The following SUGCT variants were observed in gnomAD, a reference collection of about 807,000 sequenced individuals.
SUGCT encodes the protein succinyl-CoA:glutarate-CoA transferase, also known as succinyl-CoA:glutarate CoA-transferase.
In SUGCT, 41 loss-of-function variants were observed where a neutral mutation model predicts 55.0. The ratio of observed to expected loss-of-function variants is 0.74; its 90% CI spans 0.58 to 0.97. The LOEUF (loss-of-function observed/expected upper bound fraction) is 0.97, where lower values mean the gene tolerates loss of function less well. Ranked by LOEUF, SUGCT falls within the 50% of genes least tolerant of loss-of-function variation. SUGCT has a pLI of 0.00. For missense variants in SUGCT, 568 were observed against 547.8 expected (o/e 1.04, Z -0.37); for synonymous variants, 187 against 200.4 (o/e 0.93, Z 0.56).
At chr7:40,824,693 G>A (rs201178642) in intron 13 of SUGCT, among the ~76,000 whole-genome samples, 1 of 152,178 alleles carries the variant, frequency 6.6e-6, no homozygotes, top group East Asian at 1.9e-4. Flanking sequence ...TAGCCTAGTG[G>A]CTGGGAAGTC....
the SUGCT span, among the ~76,000 whole-genome samples, chr7:41,036,344 A>G: frequency 1.3e-5 from 2 of 152,206 alleles, no homozygotes; most frequent in African/African-American, 4.8e-5. Context: ...ATGTTTCTAC[A>G]TCAGAAAAGC....
chr7:40,153,330 C>T, intron 1 of SUGCT: 2 of 363,126 alleles, frequency 5.5e-6, no homozygotes, highest in South Asian at 2.6e-5. Context: ...GAGAGAAATA[C>T]TGCTTTCCCT....
rs150627532 is a variant in SUGCT, at chr7:40,152,667, G to A, written c.100+17547G>A. The A allele has an allele frequency of 8.6e-4, 156 of 180,610 alleles. 1 individual carries two copies. Among genetic ancestry groups the A allele is most frequent in the African/African-American group, 3.5e-3 (147 of 42,050 alleles). The allele number at this position is 180,610 out of a possible 1,614,324, so 11.2% of individuals were successfully genotyped here. A position where few individuals can be genotyped will look rare whatever the true frequency, so the allele number is the denominator to read the frequency against. ...TTGAAGACTTGGCTGGAAAACTCCCGTGGTCAAACACTTTAATTTTATGGA... is the reference window on the plus strand; with the variant it reads ...TTGAAGACTTGGCTGGAAAACTCCCATGGTCAAACACTTTAATTTTATGGA... On this transcript the variant is annotated intron_variant, in intron 1 of 13. Coordinates refer to ENST00000335693, the MANE Select transcript of SUGCT (RefSeq NM_001193313.2).
intron 3 of SUGCT, among the ~76,000 whole-genome samples, chr7:40,184,566 C>G (rs1246972510): frequency 6.6e-6 from 1 of 151,934 alleles, no homozygotes; most frequent in Non-Finnish European, 1.5e-5. Context: ...CTCCTGGGCT[C>G]AAACGATCCT....
intron 9 of SUGCT, among the ~76,000 whole-genome samples, chr7:40,390,534 A>G (rs1439221928): frequency 6.6e-6 from 1 of 152,222 alleles, no homozygotes; most frequent in Non-Finnish European, 1.5e-5. Flanking sequence ...TCCCATTCAC[A>G]GTTGCTTCAA....
At chr7:40,699,559 T>C (rs1391311627) in intron 12 of SUGCT, among the ~76,000 whole-genome samples, 7 of 152,180 alleles carry the variant, frequency 4.6e-5, no homozygotes, top group African/African-American at 1.7e-4. Flanking sequence ...GAATTTGAAA[T>C]ATATAAAGGG....
intron 9 of SUGCT, among the ~76,000 whole-genome samples, chr7:40,334,672 A>G (rs1796572887): frequency 6.6e-6 from 1 of 152,136 alleles, no homozygotes; most frequent in African/African-American, 2.4e-5. Context: ...AGATGAGTAG[A>G]TTGCAAAAAT....
At chr7:40,135,253 G>A in intron 1 of SUGCT, 133 bp downstream of exon 1, 1 of 1,155,436 alleles carries the variant, frequency 8.7e-7, no homozygotes. Context: ...TCGCCTCCCT[G>A]CAACCCCGTT....
At chr7:40,234,275 G>A (rs1425284712) in intron 6 of SUGCT, among the ~76,000 whole-genome samples, 1 of 152,174 alleles carries the variant, frequency 6.6e-6, no homozygotes, top group Admixed American at 6.5e-5. Flanking sequence ...CAGTGCACAG[G>A]CCTTCCTGCC....
chr7:40,724,641 G>C (rs552620886), intron 12 of SUGCT, among the ~76,000 whole-genome samples: 1 of 151,158 alleles, frequency 6.6e-6, no homozygotes, highest in Admixed American at 6.6e-5. Context: ...GTGGTTTACT[G>C]TTCTTTTTCT....
At chr7:40,210,480 G>A (rs1469546274) in intron 6 of SUGCT, among the ~76,000 whole-genome samples, 1 of 150,792 alleles carries the variant, frequency 6.6e-6, no homozygotes, top group Non-Finnish European at 1.5e-5. Flanking sequence ...ATATATATAT[G>A]TGTATATATA....
At chr7:40,852,290 C>A (rs1261966124) in intron 13 of SUGCT, among the ~76,000 whole-genome samples, 1 of 152,150 alleles carries the variant, frequency 6.6e-6, no homozygotes, top group Admixed American at 6.5e-5. Context: ...CTCATTCTAT[C>A]ACTAGGATAC....
chr7:40,471,600 T>C (rs1419325678), intron 11 of SUGCT, among the ~76,000 whole-genome samples: 1 of 152,044 alleles, frequency 6.6e-6, no homozygotes, highest in Non-Finnish European at 1.5e-5. Context: ...ATAGTGAAGA[T>C]GTAAAATTTT....
chr7:40,410,357 C>T (rs1786605710), intron 9 of SUGCT, among the ~76,000 whole-genome samples: 1 of 151,894 alleles, frequency 6.6e-6, no homozygotes, highest in African/African-American at 2.4e-5. Flanking sequence ...TAACTTTGAC[C>T]ATAAATGAAG....
chr7:40,216,054 A>G (rs1159489769), intron 6 of SUGCT, among the ~76,000 whole-genome samples: 1 of 152,058 alleles, frequency 6.6e-6, no homozygotes, highest in Non-Finnish European at 1.5e-5. Context: ...TATATAGAAC[A>G]GAAATTATTG....
At chr7:40,954,742 G>A in the SUGCT span, among the ~76,000 whole-genome samples, 2 of 152,084 alleles carry the variant, frequency 1.3e-5, no homozygotes, top group Non-Finnish European at 2.9e-5. Context: ...TATTCCCTAG[G>A]TTTTCTTCTA....
intron 12 of SUGCT, among the ~76,000 whole-genome samples, chr7:40,570,879 A>ATTTTTTTTTTTTTTTT (rs1796413381): frequency 2.7e-5 from 1 of 37,028 alleles, no homozygotes; most frequent in African/African-American, 1.3e-4. Flanking sequence ...TTTTTTTTTC[A>ATTTTTTTTTTTTTTTT]GTTGGAGCTT....
intron 9 of SUGCT, among the ~76,000 whole-genome samples, chr7:40,333,686 TATATATATATATATATAA>T (rs1306699284): frequency 1.2e-4 from 15 of 120,080 alleles, no homozygotes; most frequent in Non-Finnish European, 2.3e-4. Context: ...TATATATATA[TATATATATATATATATAA>T]ATATTTATAA....
chr7:40,713,183 T>G (rs1403560075), intron 12 of SUGCT, among the ~76,000 whole-genome samples: 1 of 152,172 alleles, frequency 6.6e-6, no homozygotes, highest in Non-Finnish European at 1.5e-5. Flanking sequence ...AGGAGAAGCC[T>G]CCCCTGACTG....
Sources: gnomAD v4.1 joint callset for allele counts (sites outside exome capture counted in the v4.1 genomes callset) on GRCh38, gnomAD v4.1.1 for gene constraint, MANE v1.5 for transcripts, NCBI Gene and HGNC (gene_info 2026-07-23, HGNC 2026-07-21) for gene names.